Variants in SPON1 observed in about 807,000 individuals in gnomAD.
SPON1 encodes the protein spondin-1.
A neutral mutation model predicts 111.7 loss-of-function variants in SPON1; 52 were observed. That is an observed-to-expected ratio of 0.47 (90% CI 0.37 to 0.59). The LOEUF is 0.59. Ranked by LOEUF, SPON1 falls within the 20% of genes least tolerant of loss-of-function variation. SPON1 has a pLI of 0.00. For synonymous variants in SPON1, 410 were observed against 395.8 expected (o/e 1.04, Z -0.43); for missense variants, 957 against 1,068.5 (o/e 0.90, Z 1.46).
At chr11:13,967,454 T>C (rs1273056929) in intron 1 of SPON1, among the ~76,000 whole-genome samples, 1 of 150,360 alleles carries the variant, frequency 6.7e-6, no homozygotes, top group South Asian at 2.1e-4. Flanking sequence ...TTTAGAAACA[T>C]GAAGAACCTT....
chr11:14,254,936 C>T (rs1849090163), intron 8 of SPON1, among the ~76,000 whole-genome samples: 1 of 152,192 alleles, frequency 6.6e-6, no homozygotes, highest in African/African-American at 2.4e-5. Context: ...GGAGAGGGAA[C>T]TGCTAAAGAG....
intron 6 of SPON1, among the ~76,000 whole-genome samples, chr11:14,241,856 C>T (rs966665696): frequency 1.7e-4 from 26 of 152,120 alleles, no homozygotes; most frequent in African/African-American, 5.1e-4. Context: ...AAATGCTTTG[C>T]CTGCAGACAT....
chr11:14,247,260 A>G (rs1297097489), intron 7 of SPON1, among the ~76,000 whole-genome samples: 1 of 152,166 alleles, frequency 6.6e-6, no homozygotes, highest in Non-Finnish European at 1.5e-5. Flanking sequence ...AATTTTAAAA[A>G]CTAGCCAGGC....
intron 1 of SPON1, among the ~76,000 whole-genome samples, chr11:13,982,627 A>C (rs2133781203): frequency 6.6e-6 from 1 of 152,298 alleles, no homozygotes; most frequent in Non-Finnish European, 1.5e-5. Context: ...ATCCCCAAGT[A>C]AGATAGCAGC....
rs181247834 is a variant in SPON1, at chr11:14,202,444, C to T, written c.826-40888C>T. 9.2e-5 allele frequency among the ~76,000 whole-genome samples: 14 copies of T among 152,272 alleles called. No homozygotes were observed. In the East Asian group the frequency reaches 1.5e-3, roughly 17 times the overall value. ...CCATACCTAGCACAAGTGCATGGTC[C>T]GGAGTAGTGCCCAGTGAATATGTGT... is the stretch of plus-strand genomic sequence containing the variant. On this transcript the variant is annotated intron_variant, in intron 6 of 15. Coordinates refer to ENST00000576479, the MANE Select transcript of SPON1 (RefSeq NM_006108.4).
In SPON1 at chr11:14,031,211, G is replaced by A. The variant is rs149088771; in HGVS notation, c.346-10310G>A. On this transcript the variant is annotated intron_variant, in intron 2 of 15. Coordinates refer to ENST00000576479, the MANE Select transcript of SPON1 (RefSeq NM_006108.4). ...ACCAGGGGCTACCGGAGCAGGAAGA[G>A]ATTAATGGGGAAAGGTCTGAAAGAC... Among the ~76,000 whole-genome samples the A allele has an allele frequency of 2.2e-3, 331 of 152,314 alleles. 2 individuals carry two copies. Among genetic ancestry groups the A allele is most frequent in the African/African-American group, 7.5e-3 (313 of 41,580 alleles).
Position 14,260,811 on chromosome 11 carries a change from C to T in SPON1, c.1996+59C>T, listed in dbSNP as rs145565585. 1,220 of 1,556,058 alleles carry T rather than the reference C, an allele frequency of 7.8e-4. 5 individuals carry two copies. The African/African-American group carries it at 0.015, about 19-fold the overall frequency. On this transcript the variant is annotated intron_variant, in intron 14 of 15. Coordinates refer to ENST00000576479, the MANE Select transcript of SPON1 (RefSeq NM_006108.4). ...CTATGTTCCTGAGTCCAGGGAGCCC[C>T]GAACCAGCCAGTGCTAATACTGCTA...
intron 3 of SPON1, among the ~76,000 whole-genome samples, chr11:14,069,365 A>C (rs1448768566): frequency 3.3e-5 from 5 of 152,172 alleles, no homozygotes; most frequent in Non-Finnish European, 7.3e-5. Context: ...TCTGCCTTAG[A>C]TCCAATATGC....
rs143217870 is a variant in SPON1, at chr11:13,962,945, C to A, written c.41C>A (p.Pro14Gln). The A allele has an allele frequency of 4.3e-3, 6,769 of 1,580,684 alleles. 39 individuals carry two copies. The highest frequency in any genetic ancestry group is 4.5e-3 in the Non-Finnish European group (5,205 of 1,165,966). The stretch of plus-strand genomic sequence containing the variant: ...GCGCCCCTGAAGCTGAGCCGGACTC[C>A]GGCACTGCTGGCCCTGGCGCTGCCC... ...SPAPLKLSRT[P>Q]ALLALALPLA... is the part of the protein sequence containing the mutation. Residue 14 changes from proline to glutamine, a missense_variant, in exon 1 of 16, where the codon CCG becomes CAG. Physicochemically the swap from Pro to Gln is moderately conservative, Grantham distance 76 (BLOSUM62 -1). Coordinates refer to ENST00000576479, the MANE Select transcript of SPON1 (RefSeq NM_006108.4).
At chr11:14,264,882 C>T (rs557727122) in intron 15 of SPON1, among the ~76,000 whole-genome samples, 41 of 152,274 alleles carry the variant, frequency 2.7e-4, no homozygotes, top group African/African-American at 9.1e-4. Flanking sequence ...CTTCTCTATA[C>T]TTAGCATTTG....
Position 14,027,064 on chromosome 11 carries a change from G to A in SPON1, c.346-14457G>A, listed in dbSNP as rs143008838. 5.1e-3 allele frequency among the ~76,000 whole-genome samples: 780 copies of A among 152,242 alleles called. 21 individuals are homozygous for A. Among genetic ancestry groups the A allele is most frequent in the East Asian group, 4.1e-3 (21 of 5,176 alleles). ...AGCCTGGGATGATCTGGGCTGAGTG[G>A]GGAGACTGAATCCATGGGAAACTGC... On this transcript the variant is annotated intron_variant, in intron 2 of 15. Transcript: ENST00000576479.
rs1848946913 is a variant in SPON1 at position 14,079,794 on chromosome 11, A to T, written c.554-105A>T. The T allele has an allele frequency of 7.1e-6, 9 of 1,263,884 alleles. No individual in the cohort carries two copies. The South Asian group carries it at 1.1e-4, about 16-fold the overall frequency. The allele number at this position is 1,263,884 out of a possible 1,614,324, so 78.3% of individuals were successfully genotyped here. ...AGTCTTATTAACTAATGAAAGCTGC[A>T]TCTTCTTTTCCTAAGGGTTAAGGAT... is the stretch of plus-strand genomic sequence containing the variant. On this transcript the variant is annotated intron_variant, in intron 4 of 15. Transcript: ENST00000576479.
chr11:14,085,105 T>G (rs1848995777), intron 5 of SPON1, among the ~76,000 whole-genome samples: 1 of 152,216 alleles, frequency 6.6e-6, no homozygotes, highest in Admixed American at 6.5e-5. Flanking sequence ...GCCTGTTCGC[T>G]GTGATGCTAG....
chr11:13,990,361 T>A (rs1421253727), intron 2 of SPON1, among the ~76,000 whole-genome samples: 1 of 142,336 alleles, frequency 7.0e-6, no homozygotes, highest in African/African-American at 2.6e-5. Context: ...GAGATTAGGA[T>A]TGCAACTCCT....
At chr11:14,160,587 A>ATATATATATT (rs1278956203) in intron 6 of SPON1, among the ~76,000 whole-genome samples, 8 of 12,620 alleles carry the variant, frequency 6.3e-4, no homozygotes, top group African/African-American at 1.7e-3. Flanking sequence ...ATATATTTAC[A>ATATATATATT]TATATATATT....
chr11:14,153,389 A>G (rs1554930085), intron 6 of SPON1, among the ~76,000 whole-genome samples: 1 of 152,180 alleles, frequency 6.6e-6, no homozygotes, highest in African/African-American at 2.4e-5. Context: ...GCTTGCAATC[A>G]TGGCAGAAGG....
At chr11:14,066,490 G>C (rs546710638) in intron 3 of SPON1, among the ~76,000 whole-genome samples, 2 of 152,162 alleles carry the variant, frequency 1.3e-5, no homozygotes, top group East Asian at 3.9e-4. Flanking sequence ...TTCCACAACC[G>C]GGACTACCTC....
intron 11 of SPON1, among the ~76,000 whole-genome samples, chr11:14,258,313 C>A (rs1476288419): frequency 6.6e-6 from 1 of 152,226 alleles, no homozygotes; most frequent in East Asian, 1.9e-4. Context: ...CAGCGTGAGT[C>A]AGAGCACTCT....
intron 6 of SPON1, among the ~76,000 whole-genome samples, chr11:14,180,237 C>G (rs1210823617): frequency 2.0e-5 from 3 of 152,238 alleles, no homozygotes; most frequent in Non-Finnish European, 2.9e-5. Context: ...GTTAAAATCT[C>G]TCAACAGTTT....
Sources: gnomAD v4.1 joint callset for allele counts (sites outside exome capture counted in the v4.1 genomes callset) on GRCh38, gnomAD v4.1.1 for gene constraint, MANE v1.5 for transcripts, NCBI Gene and HGNC (gene_info 2026-07-23, HGNC 2026-07-21) for gene names.